The following POLE variants were observed in gnomAD, a reference collection of about 807,000 sequenced individuals.
The protein encoded by POLE is DNA polymerase epsilon catalytic subunit A.
Under a neutral mutation model 279.2 loss-of-function variants are expected in POLE, and 188 were observed. The observed-to-expected ratio is 0.67, with a 90% confidence interval of 0.60 to 0.76. POLE has a LOEUF of 0.76. POLE is among the 30% of genes least tolerant of loss of function. POLE has a pLI of 0.00. For synonymous variants in POLE, 1,214 were observed against 1,172.5 expected (o/e 1.04, Z -0.72); for missense variants, 2,703 against 3,016.7 (o/e 0.90, Z 2.44).
At chr12:132,656,751 TCTGA>T (rs1472526908) in intron 29 of POLE, among the ~76,000 whole-genome samples, 2 of 152,254 alleles carry the variant, frequency 1.3e-5, no homozygotes, top group Non-Finnish European at 2.9e-5. Flanking sequence ...CTTTTGCTCT[TCTGA>T]CTTTCACTGT....
chr12:132,632,888 C>T (rs1300788707), intron 43 of POLE, 93 bp from the exon 44 acceptor site: 8 of 1,338,524 alleles, frequency 6.0e-6, no homozygotes, highest in Non-Finnish European at 4.1e-6. Flanking sequence ...GATTGCCTCA[C>T]AGATGAGGCT....
chr12:132,629,416 T>C (rs1215896319), intron 45 of POLE, among the ~76,000 whole-genome samples: 1 of 152,198 alleles, frequency 6.6e-6, no homozygotes, highest in Non-Finnish European at 1.5e-5. Context: ...ACACGGAAAA[T>C]ATGTTGTCAG....
Position 132,635,919 on chromosome 12 carries a change from T to C in POLE, c.5784A>G (p.Lys1928=), listed in dbSNP as rs2042022626. Residue 1928 remains lysine (K), a synonymous_variant, in exon 42 of 49, where the codon AAA becomes AAG. Coordinates refer to ENST00000320574, the MANE Select transcript of POLE (RefSeq NM_006231.4). The part of the protein sequence containing the change: ...DPSNYGGIKG[K]VSSRIHCGLQ... Reference sequence around the variant, plus strand: ...GTCCACAGTGAATACGAGATGAAACTTTTCCTTTGATTCCGCCATAGTTAG... The same window carrying C: ...GTCCACAGTGAATACGAGATGAAACCTTTCCTTTGATTCCGCCATAGTTAG... The C allele has an allele frequency of 6.2e-7, 1 of 1,613,548 alleles. No individual in the cohort carries two copies. The highest frequency in any genetic ancestry group is 1.7e-5 in the Admixed American group (1 of 59,862).
chr12:132,650,202 C>T (rs1310681073), intron 29 of POLE: 2 of 326,134 alleles, frequency 6.1e-6, no homozygotes, highest in Non-Finnish European at 1.1e-5. Flanking sequence ...GAGACCTTGC[C>T]TCATAAAAAC....
intron 45 of POLE, among the ~76,000 whole-genome samples, chr12:132,629,834 G>A (rs1463786433): frequency 6.6e-6 from 1 of 152,198 alleles, no homozygotes; most frequent in East Asian, 1.9e-4. Context: ...CTAGCTTTCA[G>A]CCTGTCTCGA....
chr12:132,680,994 G>A (rs2043153822), intron 2 of POLE, 144 bp downstream of exon 2: 1 of 956,992 alleles, frequency 1.0e-6, no homozygotes, highest in Admixed American at 2.7e-5. Flanking sequence ...CGTTAAAGAG[G>A]AAAGGAGAGC....
At position 132,673,647 on chromosome 12, in the gene POLE, C is replaced by T. The variant is rs1593073300; in HGVS notation, c.1287G>A (p.Lys429=). The part of the protein sequence containing the change: ...VGSHNLKAAA[K]AKLGYDPVEL... Reference sequence around the variant, plus strand: ...CCACGGGATCATAGCCTAGCTTGGCCTTGGCGGCCGCCTTGAGATTATGAC... The same window carrying T: ...CCACGGGATCATAGCCTAGCTTGGCTTTGGCGGCCGCCTTGAGATTATGAC... The change falls in exon 13 of 49, where the codon AAG becomes AAA. Residue 429 remains lysine (K), a synonymous_variant. Transcript: ENST00000320574. 1 of 1,614,064 alleles carries T rather than the reference C, an allele frequency of 6.2e-7. No individual in the cohort carries two copies.
intron 16 of POLE, among the ~76,000 whole-genome samples, chr12:132,669,150 C>G (rs924973717): frequency 6.6e-6 from 1 of 152,122 alleles, no homozygotes. Context: ...TACTTGAACA[C>G]TAAACTCTCC....
Position 132,623,837 on chromosome 12 carries a change from C to CT in POLE, c.*859dup, listed in dbSNP as rs1488849952. On this transcript the variant is annotated 3_prime_UTR_variant, in exon 49 of 49. Coordinates refer to ENST00000320574, the MANE Select transcript of POLE (RefSeq NM_006231.4). ...TCAGACAGTAGATGGCAGGGACAAA[C>CT]TAAGGCTGGCTCTGGGCCAAAGACA... is the stretch of plus-strand genomic sequence containing the variant. 1.5e-5 allele frequency: 3 copies of CT among 195,298 alleles called. No individual in the cohort carries two copies. Among genetic ancestry groups the CT allele is most frequent in the African/African-American group, 7.0e-5 (3 of 43,154 alleles). The allele number at this position is 195,298 out of a possible 1,614,324, so 12.1% of individuals were successfully genotyped here. A position where few individuals can be genotyped will look rare whatever the true frequency, so the allele number is the denominator to read the frequency against.
chr12:132,678,933 G>C (rs2043111549), intron 6 of POLE, among the ~76,000 whole-genome samples: 1 of 152,238 alleles, frequency 6.6e-6, no homozygotes, highest in African/African-American at 2.4e-5. Context: ...CGGACTCCGG[G>C]TAGGGACTGT....
At chr12:132,681,913 A>G (rs2043175433) in intron 1 of POLE, among the ~76,000 whole-genome samples, 1 of 152,216 alleles carries the variant, frequency 6.6e-6, no homozygotes, top group African/African-American at 2.4e-5. Flanking sequence ...GGCCAGGCAC[A>G]GTGGCTCACG....
At position 132,643,470 on chromosome 12, in the gene POLE, C is replaced by T. The variant is rs1192240136; in HGVS notation, c.4381G>A (p.Glu1461Lys). The T allele has an allele frequency of 6.2e-7, 1 of 1,614,226 alleles. No homozygotes were observed. The highest frequency in any genetic ancestry group is 1.3e-5 in the African/African-American group (1 of 75,070). ...TCCAGGTGCTCAAGAGCAAAGGTCT[C>T]TGCTTCCCAGCCTGAAAGGTGCCTC... ...LVRHLSGWEA[E>K]TFALEHLEMR... The change falls in exon 34 of 49, where the codon GAG becomes AAG. Residue 1461 changes from glutamate to lysine, a missense_variant. This residue lies in a region of POLE where 1,551 missense variants were observed against 1,686.1 expected (regional missense o/e 0.92). Transcript: ENST00000320574.
At chr12:132,671,957 G>A (rs546569785) in intron 16 of POLE, among the ~76,000 whole-genome samples, 4 of 152,146 alleles carry the variant, frequency 2.6e-5, no homozygotes, top group Admixed American at 6.5e-5. Context: ...AACAGGACAC[G>A]GGATACATCC....
chr12:132,654,634 T>C (rs556923093), intron 29 of POLE, among the ~76,000 whole-genome samples: 1 of 151,848 alleles, frequency 6.6e-6, no homozygotes, highest in East Asian at 1.9e-4. Flanking sequence ...CTACAAAAAA[T>C]TACAAAAATT....
rs756976029 is a variant in POLE, at chr12:132,661,479, A to G, written c.2864+48T>C. 1 of 1,593,442 alleles carries G rather than the reference A, an allele frequency of 6.3e-7. No individual in the cohort carries two copies. The highest frequency in any genetic ancestry group is 8.6e-7 in the Non-Finnish European group (1 of 1,164,890). Reference sequence around the variant, plus strand: ...CTCCTTTCTGGGCTAAATTTAATCTATCTCAATCCATGTCCTTTCTAAAGC... The same window carrying G: ...CTCCTTTCTGGGCTAAATTTAATCTGTCTCAATCCATGTCCTTTCTAAAGC... On this transcript the variant is annotated intron_variant, in intron 24 of 48. Transcript: ENST00000320574. The surrounding 1 kb of genome is among the most constrained non-coding windows in gnomAD (Gnocchi z 4.1).
intron 20 of POLE, among the ~76,000 whole-genome samples, chr12:132,666,316 G>A (rs1357616860): frequency 6.6e-6 from 1 of 152,236 alleles, no homozygotes; most frequent in Non-Finnish European, 1.5e-5. Flanking sequence ...GACTGGGCGC[G>A]GTGGCTCACG....
chr12:132,653,392 G>A (rs1255883903), intron 29 of POLE, among the ~76,000 whole-genome samples: 1 of 152,102 alleles, frequency 6.6e-6, no homozygotes, highest in Non-Finnish European at 1.5e-5. Flanking sequence ...AAAAAGTTGT[G>A]TAATTTTTTC....
chr12:132,667,437 C>A lies in POLE; in HGVS notation c.2319+66G>T, dbSNP rs537376730. 6 of 1,542,716 alleles carry A rather than the reference C, an allele frequency of 3.9e-6. No homozygotes were observed. In the South Asian group the frequency reaches 6.8e-5, roughly 17 times the overall value. ...GATCCCAGGCAAGGAGCCAAGAGTG[C>A]CCACTTCATGAGCCGACTGAAACTG... On this transcript the variant is annotated intron_variant, in intron 20 of 48. Coordinates refer to ENST00000320574, the MANE Select transcript of POLE (RefSeq NM_006231.4).
intron 32 of POLE, among the ~76,000 whole-genome samples, chr12:132,647,659 C>T (rs2042316473): frequency 6.6e-6 from 1 of 152,100 alleles, no homozygotes; most frequent in Non-Finnish European, 1.5e-5. Context: ...ACAGAATATT[C>T]ACACAGCGCC....
Sources: gnomAD v4.1 joint callset for allele counts (sites outside exome capture counted in the v4.1 genomes callset) on GRCh38, gnomAD v4.1.1 for gene constraint, gnomAD v4.1.1 regional missense constraint, Gnocchi (gnomAD v3.1) non-coding constraint, MANE v1.5 for transcripts, NCBI Gene and HGNC (gene_info 2026-07-23, HGNC 2026-07-21) for gene names.